DLEU7: variants seen among roughly 807,000 people sequenced by gnomAD.
DLEU7 encodes leukemia-associated protein 7.
Under a neutral mutation model 16.0 loss-of-function variants are expected in DLEU7, and 17 were observed. The ratio of observed to expected loss-of-function variants is 1.06; its 90% CI spans 0.73 to 1.59. The LOEUF is 1.59. Ranked by LOEUF, DLEU7 falls within the 40% of genes most tolerant of loss-of-function variation. The pLI is 0.00. For missense variants in DLEU7, 308 were observed against 314.9 expected (o/e 0.98, Z 0.17); for synonymous variants, 113 against 139.8 (o/e 0.81, Z 1.35).
chr13:50,817,836 A>G (rs538388749), intron 1 of DLEU7, among the ~76,000 whole-genome samples: 6 of 152,214 alleles, frequency 3.9e-5, no homozygotes, highest in African/African-American at 1.2e-4. Flanking sequence ...AAAGGATGTA[A>G]GATAAGCTGA....
chr13:50,812,774 A>G (rs1021648192), intron 1 of DLEU7, among the ~76,000 whole-genome samples: 3 of 152,196 alleles, frequency 2.0e-5, no homozygotes, highest in Middle Eastern at 3.4e-3. Flanking sequence ...AGTTATACAT[A>G]TGTATGTATA....
At position 50,843,356 on chromosome 13, in the gene DLEU7, GC is replaced by G; in HGVS notation, c.290del (p.Gly97AlafsTer56). The stretch of plus-strand genomic sequence containing the variant: ...CCCGGGGGAAGGGCAGCAACTCGGC[GC>G]CCCCCTCAGCGCCTCGCACTACCTC... The part of the protein sequence containing the change: ...EEEVVRGAEG[G>X]AELLPFPRDR... On this transcript the variant is annotated frameshift_variant, in exon 1 of 2. Coordinates refer to ENST00000504404, the MANE Select transcript of DLEU7 (RefSeq NM_001306135.2). LOFTEE classifies it high-confidence loss of function. The surrounding 1 kb of genome is among the most constrained non-coding windows in gnomAD (Gnocchi z 5.7). 1.4e-6 allele frequency: 2 copies of G among 1,436,496 alleles called. No individual in the cohort carries two copies. The highest frequency in any genetic ancestry group is 9.1e-7 in the Non-Finnish European group (1 of 1,096,356). 89.0% of individuals were successfully genotyped at this position (1,436,496 alleles called of 1,614,324 possible).
intron 1 of DLEU7, among the ~76,000 whole-genome samples, chr13:50,826,263 G>T (rs1877083501): frequency 2.0e-5 from 3 of 152,130 alleles, no homozygotes; most frequent in African/African-American, 7.2e-5. Context: ...ACAGGCCACA[G>T]ACCAGTTCCT....
intron 1 of DLEU7, among the ~76,000 whole-genome samples, chr13:50,809,807 A>G (rs7989991): frequency 0.59 from 89,906 of 151,944 alleles, 27,046 homozygotes; most frequent in African/African-American, 0.69. Flanking sequence ...TTTGCAAAAA[A>G]GATACAGTGG....
At chr13:50,711,779 G>GGGGGGGGTGCGGC (rs1555287138), downstream of DLEU7, 3 of 135,682 alleles carry the variant, frequency 2.2e-5, 1 homozygote, top group African/African-American at 9.4e-5. Flanking sequence ...TGGCGGGGGC[G>GGGGGGGGTGCGGC]GGGGGCATTA....
intron 1 of DLEU7, among the ~76,000 whole-genome samples, chr13:50,722,310 G>A (rs1397444281): frequency 6.6e-6 from 1 of 152,198 alleles, no homozygotes; most frequent in East Asian, 1.9e-4. Flanking sequence ...GGGTTCACCT[G>A]CTTTTCCAGG....
At chr13:50,809,432 G>A (rs553563584) in intron 1 of DLEU7, among the ~76,000 whole-genome samples, 3 of 152,124 alleles carry the variant, frequency 2.0e-5, no homozygotes, top group South Asian at 2.1e-4. Flanking sequence ...ACTTGACGCC[G>A]GACATAATGG....
Position 50,843,455 on chromosome 13 carries a change from C to T in DLEU7, c.192G>A (p.Gly64=). The T allele has an allele frequency of 1.5e-6, 2 of 1,322,572 alleles. No homozygotes were observed. The highest frequency in any genetic ancestry group is 1.9e-6 in the Non-Finnish European group (2 of 1,043,594). The allele number at this position is 1,322,572 out of a possible 1,614,324, so 81.9% of individuals were successfully genotyped here. The change falls in exon 1 of 2, where the codon GGG becomes GGA. Residue 64 remains glycine (G), a synonymous_variant. Coordinates refer to ENST00000504404, the MANE Select transcript of DLEU7 (RefSeq NM_001306135.2). This position sits in a 1 kb window ranked among gnomAD's most constrained non-coding sequence, Gnocchi z 5.7. ...SGPPRARPGP[G]REERGGGVGT... is the part of the protein sequence containing the mutation. ...CCACGCCCCCGCCCCGCTCCTCGCG[C>T]CCGGGCCCCGGCCGGGCCCGCGGCG... is the stretch of plus-strand genomic sequence containing the variant.
At chr13:50,778,071 T>C (rs1181021515) in intron 1 of DLEU7, among the ~76,000 whole-genome samples, 1 of 152,148 alleles carries the variant, frequency 6.6e-6, no homozygotes, top group Non-Finnish European at 1.5e-5. Flanking sequence ...GGGTAGTTTA[T>C]GAAGAAAAGA....
At chr13:50,765,230 A>G (rs752561414) in intron 1 of DLEU7, among the ~76,000 whole-genome samples, 1 of 152,198 alleles carries the variant, frequency 6.6e-6, no homozygotes, top group Non-Finnish European at 1.5e-5. Flanking sequence ...ATTTATTCAA[A>G]ATTAAGAATC....
intron 1 of DLEU7, among the ~76,000 whole-genome samples, chr13:50,727,935 C>A (rs1232356694): frequency 1.3e-5 from 2 of 152,240 alleles, no homozygotes; most frequent in African/African-American, 2.4e-5. Flanking sequence ...GGTAAGTCAC[C>A]TTGGGAATCT....
At chr13:50,711,057 A>G (rs1873270433), downstream of DLEU7, 1 of 152,202 alleles carries the variant, frequency 6.6e-6, no homozygotes, top group South Asian at 2.1e-4. Context: ...ACTTTACTAT[A>G]TATTTTTAAA....
rs186773255 is a variant in DLEU7, at chr13:50,730,120, A to G, written c.460-16880T>C. Among the ~76,000 whole-genome samples, 234 of 152,124 alleles carry G rather than the reference A, an allele frequency of 1.5e-3. 1 individual carries two copies. Among genetic ancestry groups the G allele is most frequent in the African/African-American group, 5.4e-3 (225 of 41,506 alleles). On this transcript the variant is annotated intron_variant, in intron 1 of 1. Transcript: ENST00000400393. The stretch of plus-strand genomic sequence containing the variant: ...GAAGTGGATCATCATAAAGGTCTTT[A>G]TGCTTGTTGTCTTCATGTTGAATAG...
chr13:50,822,058 G>A (rs552296490), downstream of DLEU7, among the ~76,000 whole-genome samples: 76 of 149,862 alleles, frequency 5.1e-4, no homozygotes, highest in African/African-American at 1.7e-3. Context: ...ACACATGAGC[G>A]CACACACACA....
At chr13:50,775,272 C>T (rs1875459962) in intron 1 of DLEU7, among the ~76,000 whole-genome samples, 1 of 151,918 alleles carries the variant, frequency 6.6e-6, no homozygotes, top group African/African-American at 2.4e-5. Flanking sequence ...AAATTACAGG[C>T]AGATGAACTT....
At position 50,827,633 on chromosome 13, in the gene DLEU7, G is replaced by A. The variant is rs117403162; in HGVS notation, c.460-4113C>T. Among the ~76,000 whole-genome samples the A allele has an allele frequency of 1.9e-4, 29 of 152,256 alleles. No homozygotes were observed. In the East Asian group the frequency reaches 5.4e-3, roughly 28 times the overall value. ...GCCCAGGAGGTCAAGGCTGCAGTGA[G>A]CAATGATCATGCCATTGCTCTCCAG... On this transcript the variant is annotated intron_variant, in intron 1 of 1. Coordinates refer to ENST00000504404, the MANE Select transcript of DLEU7 (RefSeq NM_001306135.2).
chr13:50,811,537 C>T (rs1417003461), intron 1 of DLEU7, among the ~76,000 whole-genome samples: 3 of 152,100 alleles, frequency 2.0e-5, no homozygotes, highest in African/African-American at 4.8e-5. Context: ...ACCTGTGAAA[C>T]GTTCCTGGCA....
chr13:50,748,228 C>CTT (rs71085044), intron 1 of DLEU7, among the ~76,000 whole-genome samples: 2,597 of 89,144 alleles, frequency 0.029, 166 homozygotes, highest in South Asian at 0.057. Flanking sequence ...ACTCCTTAAA[C>CTT]TTTTTTTTTT....
chr13:50,742,947 T>C (rs1874292210), intron 1 of DLEU7, among the ~76,000 whole-genome samples: 2 of 152,248 alleles, frequency 1.3e-5, no homozygotes, highest in Admixed American at 6.5e-5. Flanking sequence ...ATAAAACTCA[T>C]GTCTGGAATT....
Sources: allele counts gnomAD v4.1 joint callset (sites outside exome capture counted in the v4.1 genomes callset), GRCh38; gene constraint gnomAD v4.1.1; non-coding constraint Gnocchi (gnomAD v3.1); transcripts MANE v1.5; gene names NCBI Gene and HGNC (gene_info 2026-07-23, HGNC 2026-07-21).